TENM3: variants seen among roughly 807,000 people sequenced by gnomAD.
TENM3 encodes the protein teneurin transmembrane protein 3.
A neutral mutation model predicts 255.1 loss-of-function variants in TENM3; 63 were observed. The ratio of observed to expected loss-of-function variants is 0.25; its 90% CI spans 0.20 to 0.30. The LOEUF (loss-of-function observed/expected upper bound fraction) is 0.30, where lower values mean the gene tolerates loss of function less well. TENM3 is among the 10% of genes least tolerant of loss of function. TENM3 has a pLI of 1.00. For missense variants in TENM3, 2,929 were observed against 3,461.1 expected (o/e 0.85, Z 3.86); for synonymous variants, 1,306 against 1,322.3 (o/e 0.99, Z 0.27).
intron 3 of TENM3, among the ~76,000 whole-genome samples, chr4:182,362,129 T>C (rs1234718362): frequency 6.6e-6 from 1 of 151,260 alleles, no homozygotes; most frequent in East Asian, 2.0e-4. Context: ...CTGCCCCTAC[T>C]GGGGGGTGCC....
At chr4:182,218,402 T>C (rs1467915067) in intron 1 of TENM3, among the ~76,000 whole-genome samples, 1 of 152,234 alleles carries the variant, frequency 6.6e-6, no homozygotes, top group Non-Finnish European at 1.5e-5. Context: ...TTTACGATAA[T>C]TTCATGATAA....
rs971917210 is a variant in TENM3, at chr4:182,800,433, C to G, written c.*82C>G. The G allele has an allele frequency of 2.2e-5, 32 of 1,431,472 alleles. No individual in the cohort carries two copies. The highest frequency in any genetic ancestry group is 2.2e-4 in the Middle Eastern group (1 of 4,490). The allele number at this position is 1,431,472 out of a possible 1,614,324, so 88.7% of individuals were successfully genotyped here. On this transcript the variant is annotated 3_prime_UTR_variant, in exon 28 of 28. Coordinates refer to ENST00000511685, the MANE Select transcript of TENM3 (RefSeq NM_001080477.4). ...AACCCGAGTGGGACTCTCCAACGCCCAAGAGCCTTCCTCCCGGGGGAATGA... is the reference window on the plus strand; with the variant it reads ...AACCCGAGTGGGACTCTCCAACGCCGAAGAGCCTTCCTCCCGGGGGAATGA...
chr4:182,142,561 G>C (rs1312244652), upstream of TENM3: 1 of 167,224 alleles, frequency 6.0e-6, no homozygotes, highest in Non-Finnish European at 1.5e-5. Flanking sequence ...ATTTCCTAAC[G>C]GCCGAGTACA....
the TENM3 span, among the ~76,000 whole-genome samples, chr4:181,851,604 GCACA>G: frequency 4.0e-5 from 6 of 151,542 alleles, no homozygotes; most frequent in African/African-American, 9.7e-5. Flanking sequence ...GCACGCAAAC[GCACA>G]CACGCACGCA....
chr4:181,777,128 A>AT, the TENM3 span, among the ~76,000 whole-genome samples: 1 of 152,000 alleles, frequency 6.6e-6, no homozygotes, highest in African/African-American at 2.4e-5. Context: ...TTAAGTATCT[A>AT]TTTTCATTCT....
the TENM3 span, among the ~76,000 whole-genome samples, chr4:181,949,597 C>A: frequency 6.6e-6 from 1 of 152,216 alleles, no homozygotes; most frequent in Non-Finnish European, 1.5e-5. Flanking sequence ...AGAGCCATAA[C>A]CTGGACCCTA....
At chr4:182,195,484 G>GA (rs772464753) in intron 1 of TENM3, among the ~76,000 whole-genome samples, 6 of 152,052 alleles carry the variant, frequency 3.9e-5, no homozygotes, top group Non-Finnish European at 8.8e-5. Flanking sequence ...ACAAAAAATA[G>GA]AAAAAATTAG....
chr4:182,118,086 T>C, the TENM3 span, among the ~76,000 whole-genome samples: 1 of 152,182 alleles, frequency 6.6e-6, no homozygotes, highest in Non-Finnish European at 1.5e-5. Flanking sequence ...GATCAATTTT[T>C]GCATATTAAA....
At chr4:181,566,927 C>G in the TENM3 span, among the ~76,000 whole-genome samples, 1 of 152,172 alleles carries the variant, frequency 6.6e-6, no homozygotes, top group South Asian at 2.1e-4. Flanking sequence ...TGCTTGGATG[C>G]CAACAGGTAC....
chr4:181,888,321 G>A, the TENM3 span, among the ~76,000 whole-genome samples: 2 of 151,258 alleles, frequency 1.3e-5, no homozygotes, highest in Non-Finnish European at 2.9e-5. Context: ...ATGAGCCACT[G>A]TGCCTGGCCA....
the TENM3 span, among the ~76,000 whole-genome samples, chr4:181,958,870 C>G: frequency 6.6e-6 from 1 of 151,950 alleles, no homozygotes; most frequent in Non-Finnish European, 1.5e-5. Context: ...ATGTAATTAC[C>G]TATTTAGTGC....
chr4:181,556,968 C>T, the TENM3 span, among the ~76,000 whole-genome samples: 1 of 152,090 alleles, frequency 6.6e-6, no homozygotes, highest in South Asian at 2.1e-4. Flanking sequence ...CCCCTACAGC[C>T]TTGATGTAAA....
intron 6 of TENM3, among the ~76,000 whole-genome samples, chr4:182,660,771 G>A (rs189512310): frequency 5.3e-5 from 8 of 152,268 alleles, no homozygotes; most frequent in Admixed American, 2.0e-4. Flanking sequence ...CTTATGATGT[G>A]CCACGCACTG....
chr4:182,208,999 G>A (rs1016793400), intron 1 of TENM3, among the ~76,000 whole-genome samples: 25 of 137,286 alleles, frequency 1.8e-4, no homozygotes, highest in African/African-American at 6.0e-4. Context: ...ATGGAGTTTC[G>A]CCCTTGTCGC....
the TENM3 span, among the ~76,000 whole-genome samples, chr4:181,590,786 A>T: frequency 7.9e-5 from 12 of 152,232 alleles, no homozygotes; most frequent in African/African-American, 2.4e-4. Flanking sequence ...TTTCTTTCTT[A>T]TATGTTAAAG....
intron 1 of TENM3, among the ~76,000 whole-genome samples, chr4:182,166,417 G>A (rs2149673067): frequency 6.6e-6 from 1 of 152,250 alleles, no homozygotes; most frequent in East Asian, 1.9e-4. Flanking sequence ...CTCAGTCATG[G>A]CCATTCTGCA....
chr4:181,969,684 A>G, the TENM3 span, among the ~76,000 whole-genome samples: 3 of 152,352 alleles, frequency 2.0e-5, no homozygotes, highest in African/African-American at 4.8e-5. Context: ...TTGACAGCAA[A>G]GAGTTTGAGA....
At chr4:181,528,153 T>C in the TENM3 span, among the ~76,000 whole-genome samples, 1 of 132,422 alleles carries the variant, frequency 7.6e-6, no homozygotes, top group Admixed American at 7.1e-5. Context: ...TTTTCTATTT[T>C]TATAAAATAG....
intron 19 of TENM3, among the ~76,000 whole-genome samples, chr4:182,749,261 T>C (rs559673040): frequency 6.6e-6 from 1 of 152,320 alleles, no homozygotes; most frequent in African/African-American, 2.4e-5. Flanking sequence ...TCTTCATTAT[T>C]TTAATAGTTT....
Sources: allele counts gnomAD v4.1 joint callset (sites outside exome capture counted in the v4.1 genomes callset), GRCh38; gene constraint gnomAD v4.1.1; transcripts MANE v1.5; gene names NCBI Gene and HGNC (gene_info 2026-07-23, HGNC 2026-07-21).